The following RPS6KA2 variants were observed in gnomAD, a reference collection of about 807,000 sequenced individuals.
RPS6KA2 encodes ribosomal protein S6 kinase alpha-2.
In RPS6KA2, 42 loss-of-function variants were observed where a neutral mutation model predicts 91.8. The observed-to-expected ratio is 0.46, with a 90% confidence interval of 0.36 to 0.59. The LOEUF is 0.59. Ranked by LOEUF, RPS6KA2 falls within the 20% of genes least tolerant of loss-of-function variation. The pLI is 0.00. For missense variants in RPS6KA2, 798 were observed against 978.5 expected, an observed-to-expected ratio of 0.82 and a Z score of 2.46; for synonymous variants, 414 against 393.6, an observed-to-expected ratio of 1.05 and a Z score of -0.61.
At chr6:166,416,636 T>G (rs1399626527) in intron 19 of RPS6KA2, among the ~76,000 whole-genome samples, 2 of 149,010 alleles carry the variant, frequency 1.3e-5, no homozygotes, top group Non-Finnish European at 3.0e-5. Context: ...ATCAGCTCCA[T>G]CCCTGCTCCC....
chr6:166,692,479 C>T (rs143345760), intron 2 of RPS6KA2, among the ~76,000 whole-genome samples: 44 of 152,200 alleles, frequency 2.9e-4, no homozygotes, highest in African/African-American at 9.6e-4. Flanking sequence ...AGAGAGCAGA[C>T]GCTCTGCTGA....
At chr6:166,788,820 T>C (rs1778999211) in intron 2 of RPS6KA2, among the ~76,000 whole-genome samples, 1 of 152,140 alleles carries the variant, frequency 6.6e-6, no homozygotes, top group African/African-American at 2.4e-5. Context: ...ACCTGCACAT[T>C]CTGCACATGT....
intron 3 of RPS6KA2, among the ~76,000 whole-genome samples, chr6:166,521,111 G>A (rs963425728): frequency 6.6e-6 from 1 of 152,256 alleles, no homozygotes; most frequent in African/African-American, 2.4e-5. Flanking sequence ...TCTGGAGGGA[G>A]CAGGTGGCAA....
chr6:166,462,289 C>G (rs1383554910), intron 11 of RPS6KA2, among the ~76,000 whole-genome samples: 1 of 152,250 alleles, frequency 6.6e-6, no homozygotes, highest in African/African-American at 2.4e-5. Flanking sequence ...GCAGGCTCTG[C>G]CTGGCTTCCT....
At chr6:166,740,434 CCTTT>C (rs931755535) in intron 2 of RPS6KA2, among the ~76,000 whole-genome samples, 6 of 152,116 alleles carry the variant, frequency 3.9e-5, no homozygotes, top group Admixed American at 1.3e-4. Context: ...CCATGGAGAG[CCTTT>C]CTATCAGAAA....
intron 2 of RPS6KA2, among the ~76,000 whole-genome samples, chr6:166,779,994 G>T (rs1778725186): frequency 6.6e-6 from 1 of 152,172 alleles, no homozygotes; most frequent in African/African-American, 2.4e-5. Flanking sequence ...GTGCCAAGAT[G>T]ACAGTGCTCC....
chr6:166,420,072 T>G, intron 17 of RPS6KA2, 114 bp from the exon 18 acceptor site: 1 of 955,628 alleles, frequency 1.0e-6, no homozygotes, highest in Non-Finnish European at 1.6e-6. Context: ...AGGAGGGCGG[T>G]GCCATGTCTT....
chr6:166,572,005 G>T (rs572007820), intron 1 of RPS6KA2, among the ~76,000 whole-genome samples: 1 of 152,158 alleles, frequency 6.6e-6, no homozygotes, highest in African/African-American at 2.4e-5. Flanking sequence ...GCAAACAACA[G>T]AATATTATAT....
chr6:166,783,516 TAGAC>T (rs1159038594), intron 2 of RPS6KA2, among the ~76,000 whole-genome samples: 50 of 152,146 alleles, frequency 3.3e-4, no homozygotes, highest in Non-Finnish European at 1.6e-4. Context: ...TCTCTCTAGA[TAGAC>T]AGATATAGAT....
Position 166,562,122 on chromosome 6 carries a change from C to T in RPS6KA2, c.100-23338G>A, listed in dbSNP as rs547614168. Among the ~76,000 whole-genome samples the T allele has an allele frequency of 1.8e-3, 274 of 152,252 alleles. 2 individuals carry two copies. Among genetic ancestry groups the T allele is most frequent in the South Asian group, 0.014 (66 of 4,820 alleles). On this transcript the variant is annotated intron_variant, in intron 1 of 20. Transcript: ENST00000265678. The stretch of plus-strand genomic sequence containing the variant: ...CAGAGTCCTTAGAGAAGGAATTAGA[C>T]TTCCTACAGGATACAGGACACGCAG...
At chr6:166,580,678 C>A (rs561795121) in intron 1 of RPS6KA2, among the ~76,000 whole-genome samples, 2 of 144,614 alleles carry the variant, frequency 1.4e-5, no homozygotes, top group African/African-American at 2.5e-5. Context: ...CAACCCCTGA[C>A]CCCCTCAGTG....
chr6:166,507,154 C>T (rs1782257287), intron 5 of RPS6KA2, among the ~76,000 whole-genome samples: 1 of 152,090 alleles, frequency 6.6e-6, no homozygotes, highest in Non-Finnish European at 1.5e-5. Context: ...CTCTTCCCTC[C>T]CTCTTCCCAG....
chr6:166,831,175 T>C (rs1336025032), intron 2 of RPS6KA2, among the ~76,000 whole-genome samples: 1 of 152,130 alleles, frequency 6.6e-6, no homozygotes, highest in Non-Finnish European at 1.5e-5. Context: ...AGCTGCTCCC[T>C]GCCCCCACCT....
intron 1 of RPS6KA2, among the ~76,000 whole-genome samples, chr6:166,591,674 T>C (rs1300996367): frequency 2.0e-5 from 3 of 152,152 alleles, no homozygotes; most frequent in Non-Finnish European, 2.9e-5. Context: ...TGGAGAGAGC[T>C]TGGTCTTGCC....
chr6:166,560,456 C>T (rs1784310812), intron 1 of RPS6KA2, among the ~76,000 whole-genome samples: 1 of 152,160 alleles, frequency 6.6e-6, no homozygotes, highest in Non-Finnish European at 1.5e-5. Context: ...AGTGAATGTT[C>T]TCAAGCACAG....
chr6:166,782,420 C>A lies in RPS6KA2; in HGVS notation c.123+75780G>T, dbSNP rs1398450364. On this transcript the variant is annotated intron_variant, in intron 2 of 21. Transcript: ENST00000503859. ...AGCACAAGTCCAGCCTATCTGGGGT[C>A]CCGGCAGGTTTTGAAGATGGAGACT... 2.0e-5 allele frequency among the ~76,000 whole-genome samples: 3 copies of A among 152,156 alleles called. No homozygotes were observed. In the East Asian group the frequency reaches 5.8e-4, roughly 29 times the overall value.
rs372416383 is a variant in RPS6KA2 at position 166,682,054 on chromosome 6, G to A, written c.124-143270C>T. Among the ~76,000 whole-genome samples, 10 of 152,228 alleles carry A rather than the reference G, an allele frequency of 6.6e-5. No individual in the cohort carries two copies. The South Asian group carries it at 2.1e-3, about 32-fold the overall frequency. On this transcript the variant is annotated intron_variant, in intron 2 of 21. Coordinates refer to the RPS6KA2 transcript ENST00000503859. ...ATTAATAGTAAAATCTGGTTCATTC[G>A]TAAGTAGAGTTCTGAGGGTTTTGAG...
chr6:166,721,455 C>A (rs533059209), intron 2 of RPS6KA2, among the ~76,000 whole-genome samples: 205 of 152,342 alleles, frequency 1.3e-3, no homozygotes, highest in African/African-American at 4.7e-3. Context: ...CCCTCCCTTG[C>A]CAGAGATTTT....
At chr6:166,758,507 C>T (rs969675836) in intron 2 of RPS6KA2, among the ~76,000 whole-genome samples, 3 of 152,204 alleles carry the variant, frequency 2.0e-5, no homozygotes, top group Non-Finnish European at 4.4e-5. Flanking sequence ...GTGTGATTGG[C>T]AGCTGCTGAG....
Sources: gnomAD v4.1 joint callset for allele counts (sites outside exome capture counted in the v4.1 genomes callset) on GRCh38, gnomAD v4.1.1 for gene constraint, MANE v1.5 for transcripts, NCBI Gene and HGNC (gene_info 2026-07-23, HGNC 2026-07-21) for gene names.